The following UBE3D variants were observed in gnomAD, a reference collection of about 807,000 sequenced individuals.
UBE3D encodes E3 ubiquitin-protein ligase E3D.
In UBE3D, 48 loss-of-function variants were observed where a neutral mutation model predicts 49.6. That is an observed-to-expected ratio of 0.97 (90% CI 0.77 to 1.23). The LOEUF is 1.23. UBE3D is among the 50% of genes most tolerant of loss of function. The probability of loss-of-function intolerance (pLI) is 0.00; values close to 1 mark genes in which losing one functional copy is unlikely to be tolerated. For synonymous variants in UBE3D, 189 were observed against 174.2 expected, an observed-to-expected ratio of 1.08 and a Z score of -0.67; for missense variants, 452 against 468.4, an observed-to-expected ratio of 0.96 and a Z score of 0.32.
At chr6:82,998,066 T>C (rs1490536261) in intron 8 of UBE3D, among the ~76,000 whole-genome samples, 4 of 152,232 alleles carry the variant, frequency 2.6e-5, no homozygotes, top group African/African-American at 7.2e-5. Flanking sequence ...GGGTGTCCCA[T>C]GGAGGACAGT....
At chr6:82,971,175 T>C (rs1227645869) in intron 8 of UBE3D, among the ~76,000 whole-genome samples, 3 of 152,286 alleles carry the variant, frequency 2.0e-5, no homozygotes, top group African/African-American at 7.2e-5. Flanking sequence ...TAACTTCTAA[T>C]TATATATCAT....
chr6:82,977,379 C>T (rs1426662551), intron 8 of UBE3D, among the ~76,000 whole-genome samples: 3 of 152,078 alleles, frequency 2.0e-5, no homozygotes, highest in Non-Finnish European at 2.9e-5. Flanking sequence ...CATCTCTCTA[C>T]CCAACCTTTC....
At chr6:82,925,800 T>G (rs1773705249) in intron 9 of UBE3D, among the ~76,000 whole-genome samples, 1 of 152,024 alleles carries the variant, frequency 6.6e-6, no homozygotes, top group South Asian at 2.1e-4. Context: ...AATATGAGGA[T>G]TAACAATAAA....
At chr6:83,025,115 A>G (rs1050459508) in intron 5 of UBE3D, among the ~76,000 whole-genome samples, 1 of 152,204 alleles carries the variant, frequency 6.6e-6, no homozygotes, top group Non-Finnish European at 1.5e-5. Context: ...GATTATTCCA[A>G]TTGTTGCCTT....
chr6:82,999,479 G>T (rs558934541), intron 8 of UBE3D, among the ~76,000 whole-genome samples: 1 of 152,236 alleles, frequency 6.6e-6, no homozygotes, highest in African/African-American at 2.4e-5. Context: ...CTGCCTCTTG[G>T]GTTCAAGTGG....
chr6:83,060,848 A>C (rs1224710662), intron 1 of UBE3D, among the ~76,000 whole-genome samples: 1 of 152,214 alleles, frequency 6.6e-6, no homozygotes, highest in Non-Finnish European at 1.5e-5. Flanking sequence ...TGAATAAAAT[A>C]AAAAATAAAA....
rs191282062 is a variant in UBE3D, at chr6:82,980,513, C to T, written c.1011-23063G>A. Reference sequence around the variant, plus strand: ...GTTGTATATTTTACAGATATTTTCTCCCCTTCTTCATGTTATCTGTTCACT... The same window carrying T: ...GTTGTATATTTTACAGATATTTTCTTCCCTTCTTCATGTTATCTGTTCACT... On this transcript the variant is annotated intron_variant, in intron 8 of 9. Coordinates refer to ENST00000369747, the MANE Select transcript of UBE3D (RefSeq NM_198920.3). Among the ~76,000 whole-genome samples the T allele has an allele frequency of 1.4e-3, 218 of 151,932 alleles. 1 individual carries two copies. Among genetic ancestry groups the T allele is most frequent in the African/African-American group, 4.9e-3 (205 of 41,474 alleles).
chr6:82,970,820 CAG>C (rs1777298420), intron 8 of UBE3D, among the ~76,000 whole-genome samples: 1 of 152,082 alleles, frequency 6.6e-6, no homozygotes, highest in South Asian at 2.1e-4. Flanking sequence ...GCCTGGGTGA[CAG>C]AGCAAGACTC....
intron 8 of UBE3D, among the ~76,000 whole-genome samples, chr6:82,972,928 CAT>C (rs1214591661): frequency 5.9e-5 from 9 of 152,190 alleles, no homozygotes; most frequent in Non-Finnish European, 8.8e-5. Context: ...TTTGAAAACA[CAT>C]ATGTTTAACA....
intron 8 of UBE3D, among the ~76,000 whole-genome samples, chr6:83,007,373 AG>A (rs1582620739): frequency 6.6e-6 from 1 of 152,192 alleles, no homozygotes; most frequent in African/African-American, 2.4e-5. Flanking sequence ...TACCAATACT[AG>A]GACTCATGTA....
At chr6:83,013,257 C>T (rs1780473082) in intron 8 of UBE3D, among the ~76,000 whole-genome samples, 1 of 152,172 alleles carries the variant, frequency 6.6e-6, no homozygotes, top group Admixed American at 6.5e-5. Context: ...CCAGTTTTCA[C>T]CAAAGCCCAG....
intron 8 of UBE3D, chr6:83,017,662 T>A (rs1199719781): frequency 1.3e-5 from 2 of 152,170 alleles, no homozygotes; most frequent in Non-Finnish European, 2.9e-5. Flanking sequence ...AAACTTCAGG[T>A]GGGAATATAA....
intron 3 of UBE3D, 99 bp downstream of exon 3, chr6:83,054,049 C>T: frequency 1.0e-6 from 1 of 997,946 alleles, no homozygotes; most frequent in Non-Finnish European, 1.6e-6. Flanking sequence ...ACTTTAAGGC[C>T]ATATACTACT....
intron 9 of UBE3D, among the ~76,000 whole-genome samples, chr6:82,923,723 TA>T (rs1159836176): frequency 6.6e-6 from 1 of 152,086 alleles, no homozygotes. Flanking sequence ...TAAAAATAAA[TA>T]ACTAAATAAA....
At chr6:82,933,758 C>T (rs1774339249) in intron 9 of UBE3D, among the ~76,000 whole-genome samples, 1 of 152,146 alleles carries the variant, frequency 6.6e-6, no homozygotes, top group South Asian at 2.1e-4. Context: ...AAAGTCTTTG[C>T]CTTCTTCAAA....
chr6:83,064,081 C>T (rs577261564), intron 1 of UBE3D, among the ~76,000 whole-genome samples: 4 of 152,100 alleles, frequency 2.6e-5, no homozygotes, highest in Non-Finnish European at 5.9e-5. Flanking sequence ...TATATGCAGC[C>T]ACATAGATGG....
rs1782422682 is a variant in UBE3D, at chr6:83,038,427, G to A, written c.656C>T (p.Thr219Ile). The A allele has an allele frequency of 1.2e-6, 2 of 1,611,654 alleles. No homozygotes were observed. The highest frequency in any genetic ancestry group is 2.2e-5 in the South Asian group (2 of 90,378). The change falls in exon 5 of 10, where the codon ACC (threonine) becomes ATC (isoleucine). Residue 219 changes from threonine to isoleucine, a missense_variant. Physicochemically the swap from Thr to Ile is moderately conservative, Grantham distance 89. Coordinates refer to ENST00000369747, the MANE Select transcript of UBE3D (RefSeq NM_198920.3). ...CKRCKVMLGE[T>I]VSSETTKFYM... ...TATGAAATTCTTACCTGATGACACG[G>A]TCTCTCCCAACATTACCTTGCAACG...
chr6:82,894,719 C>T (rs967722982), intron 9 of UBE3D, among the ~76,000 whole-genome samples: 9 of 152,012 alleles, frequency 5.9e-5, no homozygotes, highest in East Asian at 1.9e-4. Context: ...GAAGAGAGGC[C>T]AGTAGAGCCT....
chr6:82,932,339 T>C (rs1191432704), intron 9 of UBE3D, among the ~76,000 whole-genome samples: 2 of 152,148 alleles, frequency 1.3e-5, no homozygotes, highest in Non-Finnish European at 2.9e-5. Flanking sequence ...TAATGATGAT[T>C]GTCCATTTAA....
Sources: allele counts gnomAD v4.1 joint callset (sites outside exome capture counted in the v4.1 genomes callset), GRCh38; gene constraint gnomAD v4.1.1; transcripts MANE v1.5; gene names NCBI Gene and HGNC (gene_info 2026-07-23, HGNC 2026-07-21).